The following BACH2 variants were observed in gnomAD, a reference collection of about 807,000 sequenced individuals.
BACH2 encodes transcription regulator protein BACH2.
BACH2 carries 5 observed loss-of-function variants against 61.8 expected under a neutral mutation model. The observed-to-expected ratio is 0.08, with a 90% CI of 0.04 to 0.17. The LOEUF (loss-of-function observed/expected upper bound fraction) is 0.17, where lower values mean the gene tolerates loss of function less well. BACH2 is among the 10% of genes least tolerant of loss of function. The pLI is 1.00. For missense variants in BACH2, 824 were observed against 1,091.1 expected (o/e 0.76, Z 3.45); for synonymous variants, 446 against 440.1 (o/e 1.01, Z -0.17).
intron 1 of BACH2, among the ~76,000 whole-genome samples, chr6:90,280,088 G>C (rs1771812860): frequency 6.6e-6 from 1 of 151,936 alleles, no homozygotes; most frequent in African/African-American, 2.4e-5. Flanking sequence ...GACTTCAAAG[G>C]TTCCCATAAG....
At chr6:90,186,734 G>T (rs1470007181) in intron 4 of BACH2, among the ~76,000 whole-genome samples, 1 of 152,162 alleles carries the variant, frequency 6.6e-6, no homozygotes, top group Non-Finnish European at 1.5e-5. Context: ...GGTGCTGAGT[G>T]TTAAGTGCTT....
chr6:89,957,892 A>G (rs1313463346), intron 6 of BACH2, among the ~76,000 whole-genome samples: 1 of 152,190 alleles, frequency 6.6e-6, no homozygotes, highest in Non-Finnish European at 1.5e-5. Context: ...TTCCTAAGGT[A>G]ATAATATAAA....
At chr6:90,247,271 T>C (rs1770668937) in intron 3 of BACH2, among the ~76,000 whole-genome samples, 1 of 150,662 alleles carries the variant, frequency 6.6e-6, no homozygotes, top group Non-Finnish European at 1.5e-5. Flanking sequence ...GTAGAGATGG[T>C]GTCTTACCCA....
At chr6:90,129,857 G>GTT (rs370397717) in intron 4 of BACH2, among the ~76,000 whole-genome samples, 5 of 148,194 alleles carry the variant, frequency 3.4e-5, no homozygotes, top group Middle Eastern at 3.4e-3. Context: ...AGTTCAAGAA[G>GTT]TTTTTTTTTT....
intron 6 of BACH2, among the ~76,000 whole-genome samples, chr6:89,967,010 C>G (rs1775081585): frequency 6.6e-6 from 1 of 152,144 alleles, no homozygotes; most frequent in African/African-American, 2.4e-5. Flanking sequence ...ACAATGGTGT[C>G]ATCTCTGGCA....
chr6:90,079,744 G>A (rs1010067306), intron 5 of BACH2, among the ~76,000 whole-genome samples: 1 of 152,088 alleles, frequency 6.6e-6, no homozygotes, highest in Admixed American at 6.6e-5. Context: ...TGCACAAAGG[G>A]CAATAAATGG....
rs76087021 is a variant in BACH2, at chr6:89,994,636, A to G, written c.243+13966T>C. Among the ~76,000 whole-genome samples the G allele has an allele frequency of 6.7e-3, 1,021 of 152,226 alleles. 24 individuals are homozygous for G. The East Asian group carries it at 0.08, about 12-fold the overall frequency. On this transcript the variant is annotated intron_variant, in intron 6 of 8. Transcript: ENST00000257749. ...CCTTAGGTCCCACTGGTGGCTTTAG[A>G]GAGAAATCCCATGGGGCATGCAGAA...
chr6:90,295,660 T>C (rs981684310), intron 1 of BACH2, among the ~76,000 whole-genome samples: 1 of 150,328 alleles, frequency 6.7e-6, no homozygotes, highest in South Asian at 2.1e-4. Flanking sequence ...GTAGGGTGTG[T>C]GTGTGTGTGT....
intron 4 of BACH2, among the ~76,000 whole-genome samples, chr6:90,146,198 G>C (rs1224391822): frequency 6.6e-6 from 1 of 152,222 alleles, no homozygotes; most frequent in Non-Finnish European, 1.5e-5. Flanking sequence ...TGTGACCAAA[G>C]ATGACCCGCA....
At chr6:89,986,420 G>GT (rs1289711135) in intron 6 of BACH2, among the ~76,000 whole-genome samples, 3 of 151,898 alleles carry the variant, frequency 2.0e-5, no homozygotes, top group South Asian at 2.1e-4. Flanking sequence ...CAAAGTTTTT[G>GT]TTTTTTCCCT....
chr6:89,961,139 T>C (rs1316923480), intron 6 of BACH2, among the ~76,000 whole-genome samples: 1 of 152,158 alleles, frequency 6.6e-6, no homozygotes, highest in Non-Finnish European at 1.5e-5. Context: ...AAGTCATATA[T>C]GATACAGATA....
intron 3 of BACH2, among the ~76,000 whole-genome samples, chr6:90,222,079 T>C (rs1582503118): frequency 6.6e-6 from 1 of 152,274 alleles, no homozygotes; most frequent in East Asian, 1.9e-4. Flanking sequence ...ATATAAAAAG[T>C]ATTAATGTGC....
chr6:90,242,159 G>C lies in BACH2; in HGVS notation c.-275+10354C>G, dbSNP rs549702758. ...ACTCTTTATGTTACACAGTTGTATG[G>C]GTTTTGACACACCTATCTATCCACC... On this transcript the variant is annotated intron_variant, in intron 3 of 8. Coordinates refer to ENST00000257749, the MANE Select transcript of BACH2 (RefSeq NM_021813.4). Among the ~76,000 whole-genome samples the C allele has an allele frequency of 2.0e-4, 30 of 152,160 alleles. No individual in the cohort carries two copies. The South Asian group carries it at 6.0e-3, about 31-fold the overall frequency.
At chr6:89,954,722 T>C (rs1774331647) in intron 6 of BACH2, among the ~76,000 whole-genome samples, 1 of 151,976 alleles carries the variant, frequency 6.6e-6, no homozygotes, top group African/African-American at 2.4e-5. Flanking sequence ...GATGCTTAAA[T>C]GTATGAATTG....
At chr6:90,079,926 T>C (rs1781649203) in intron 5 of BACH2, among the ~76,000 whole-genome samples, 1 of 151,996 alleles carries the variant, frequency 6.6e-6, no homozygotes. Context: ...TTTTTTTTTT[T>C]TTTCTGTCTC....
chr6:90,167,852 T>C (rs1040340875), intron 4 of BACH2, among the ~76,000 whole-genome samples: 1 of 152,228 alleles, frequency 6.6e-6, no homozygotes, highest in Non-Finnish European at 1.5e-5. Context: ...TTTGCTGAGG[T>C]AGGCTTGTAA....
intron 1 of BACH2, among the ~76,000 whole-genome samples, chr6:90,290,476 G>A (rs1470625148): frequency 3.3e-5 from 5 of 152,218 alleles, no homozygotes; most frequent in African/African-American, 1.2e-4. Flanking sequence ...ATGAATGAAT[G>A]AGGCATCTGC....
chr6:89,989,982 T>C (rs1776455864), intron 6 of BACH2, among the ~76,000 whole-genome samples: 1 of 152,184 alleles, frequency 6.6e-6, no homozygotes, highest in South Asian at 2.1e-4. Flanking sequence ...AGACAGTCTG[T>C]GAAATTTAGT....
At chr6:90,259,515 A>T (rs1410813044) in intron 2 of BACH2, among the ~76,000 whole-genome samples, 1 of 152,124 alleles carries the variant, frequency 6.6e-6, no homozygotes, top group Non-Finnish European at 1.5e-5. Context: ...TCATCAGAGA[A>T]ATTGGGTTTA....
Sources: allele counts gnomAD v4.1 joint callset (sites outside exome capture counted in the v4.1 genomes callset), GRCh38; gene constraint gnomAD v4.1.1; transcripts MANE v1.5; gene names NCBI Gene and HGNC (gene_info 2026-07-23, HGNC 2026-07-21).